The following SLC35F1 variants were observed in gnomAD, a reference collection of about 807,000 sequenced individuals.
SLC35F1 encodes the protein solute carrier family 35 member F1.
SLC35F1 carries 14 observed loss-of-function variants against 48.7 expected under a neutral mutation model. The observed-to-expected ratio is 0.29, with a 90% CI of 0.19 to 0.45. The LOEUF is 0.45. Among genes scored for constraint, SLC35F1 ranks in the 20% least tolerant of loss-of-function variants. The probability of loss-of-function intolerance (pLI) is 1.00; values close to 1 mark genes in which losing one functional copy is unlikely to be tolerated. For missense variants in SLC35F1, 404 were observed against 500.0 expected, an observed-to-expected ratio of 0.81 and a Z score of 1.83; for synonymous variants, 190 against 202.2, an observed-to-expected ratio of 0.94 and a Z score of 0.51.
At chr6:118,103,340 A>G (rs1282435112) in intron 1 of SLC35F1, among the ~76,000 whole-genome samples, 2 of 152,198 alleles carry the variant, frequency 1.3e-5, no homozygotes, top group African/African-American at 4.8e-5. Flanking sequence ...ACATATGTAT[A>G]CATGTGCCAT....
intron 1 of SLC35F1, among the ~76,000 whole-genome samples, chr6:117,995,104 T>TA (rs1248544972): frequency 6.6e-6 from 1 of 152,210 alleles, no homozygotes; most frequent in African/African-American, 2.4e-5. Flanking sequence ...AGTTTTCTCT[T>TA]ACTACTAGAA....
At chr6:117,962,087 G>A (rs543648209) in intron 1 of SLC35F1, among the ~76,000 whole-genome samples, 12 of 152,224 alleles carry the variant, frequency 7.9e-5, no homozygotes, top group South Asian at 4.1e-4. Flanking sequence ...TTGTATTATC[G>A]ACTGGATCAC....
At chr6:118,103,171 T>C (rs1380886864) in intron 1 of SLC35F1, among the ~76,000 whole-genome samples, 1 of 152,158 alleles carries the variant, frequency 6.6e-6, no homozygotes, top group Non-Finnish European at 1.5e-5. Flanking sequence ...TCATCAACCT[T>C]AAAAGTTGAT....
intron 3 of SLC35F1, among the ~76,000 whole-genome samples, chr6:118,258,721 C>G (rs1320777106): frequency 1.3e-5 from 2 of 151,818 alleles, no homozygotes; most frequent in Non-Finnish European, 2.9e-5. Flanking sequence ...TAACATGACC[C>G]TAAAATGGAT....
At chr6:117,999,180 C>A in intron 1 of SLC35F1, 3 of 1,595,010 alleles carry the variant, frequency 1.9e-6, no homozygotes, top group Non-Finnish European at 2.5e-6. Context: ...AGTGCACGTG[C>A]CGAGGCTATC....
At chr6:118,272,283 G>A (rs1775861106) in intron 4 of SLC35F1, among the ~76,000 whole-genome samples, 1 of 152,092 alleles carries the variant, frequency 6.6e-6, no homozygotes, top group South Asian at 2.1e-4. Context: ...GAGTATGGTG[G>A]GTGCCATAGA....
chr6:118,268,601 T>TATA (rs59597751), intron 4 of SLC35F1, among the ~76,000 whole-genome samples: 670 of 44,984 alleles, frequency 0.015, 2 homozygotes, highest in African/African-American at 0.05. Context: ...TATATATATA[T>TATA]TTTTTTTTTT....
At chr6:117,982,428 C>T (rs1776792102) in intron 1 of SLC35F1, among the ~76,000 whole-genome samples, 1 of 152,196 alleles carries the variant, frequency 6.6e-6, no homozygotes. Context: ...TAGAGAACAG[C>T]AGGTTCTTTT....
chr6:118,024,643 T>C (rs1338712094), intron 1 of SLC35F1, among the ~76,000 whole-genome samples: 2 of 152,184 alleles, frequency 1.3e-5, no homozygotes, highest in Non-Finnish European at 2.9e-5. Flanking sequence ...TTCAATAGTT[T>C]TCAGCATAAA....
At chr6:117,908,146 G>A (rs990861765) in intron 1 of SLC35F1, among the ~76,000 whole-genome samples, 1 of 152,194 alleles carries the variant, frequency 6.6e-6, no homozygotes, top group South Asian at 2.1e-4. Context: ...GGAGAGGCGG[G>A]GTTTTTCGTA....
intron 7 of SLC35F1, among the ~76,000 whole-genome samples, chr6:118,303,074 T>C (rs1161434532): frequency 6.6e-6 from 1 of 152,034 alleles, no homozygotes; most frequent in Non-Finnish European, 1.5e-5. Flanking sequence ...CATCTACTTA[T>C]TTCATTTTTT....
intron 7 of SLC35F1, among the ~76,000 whole-genome samples, chr6:118,302,285 G>A (rs1776261632): frequency 6.6e-6 from 1 of 152,130 alleles, no homozygotes; most frequent in African/African-American, 2.4e-5. Context: ...ATAAAGAACA[G>A]TCAACTATTT....
intron 1 of SLC35F1, among the ~76,000 whole-genome samples, chr6:118,016,303 C>T (rs1777321436): frequency 6.6e-6 from 1 of 152,164 alleles, no homozygotes; most frequent in South Asian, 2.1e-4. Flanking sequence ...ACTCATGCTT[C>T]TTTGGTGTCA....
intron 1 of SLC35F1, among the ~76,000 whole-genome samples, chr6:118,130,617 G>A (rs982037930): frequency 1.2e-4 from 18 of 152,112 alleles, no homozygotes; most frequent in Middle Eastern, 3.4e-3. Flanking sequence ...CATAATACTT[G>A]GCCAATCACA....
At chr6:118,257,288 A>C (rs987690487) in intron 3 of SLC35F1, among the ~76,000 whole-genome samples, 1 of 152,192 alleles carries the variant, frequency 6.6e-6, no homozygotes, top group Non-Finnish European at 1.5e-5. Flanking sequence ...GTGATGCTTT[A>C]AAAGAAAACT....
chr6:118,234,579 A>G (rs1775337805), intron 2 of SLC35F1, among the ~76,000 whole-genome samples: 1 of 152,208 alleles, frequency 6.6e-6, no homozygotes, highest in Non-Finnish European at 1.5e-5. Context: ...GGAGACACTC[A>G]GTTAAGCTCT....
At chr6:118,159,481 A>T (rs185731225) in intron 2 of SLC35F1, among the ~76,000 whole-genome samples, 145 of 152,306 alleles carry the variant, frequency 9.5e-4, no homozygotes, top group African/African-American at 3.4e-3. Flanking sequence ...TGACTAAGGA[A>T]TGTGACTAAG....
rs76197940 is a variant in SLC35F1 at position 117,994,626 on chromosome 6, T to G, written c.173+86727T>G. ...AGGGCAAGGTATATTTTCAAAGCCT[T>G]GTGGCTGATATTTTTGGCACTGGGA... On this transcript the variant is annotated intron_variant, in intron 1 of 7. Coordinates refer to ENST00000360388, the MANE Select transcript of SLC35F1 (RefSeq NM_001029858.4). Among the ~76,000 whole-genome samples the G allele has an allele frequency of 1.9e-4, 29 of 152,318 alleles. 2 individuals carry two copies. In the East Asian group the frequency reaches 5.2e-3, roughly 27 times the overall value.
At position 118,252,588 on chromosome 6, in the gene SLC35F1, G is replaced by T. The variant is rs114811617; in HGVS notation, c.478-14407G>T. On this transcript the variant is annotated intron_variant, in intron 3 of 7. Transcript: ENST00000360388. Reference sequence around the variant, plus strand: ...GCTTGGTATAGGTGGCTGAGTATATGTGTCTGGAGTTCAACAGAGAGGCTG... The same window carrying T: ...GCTTGGTATAGGTGGCTGAGTATATTTGTCTGGAGTTCAACAGAGAGGCTG... Among the ~76,000 whole-genome samples, 1,233 of 152,218 alleles carry T rather than the reference G, an allele frequency of 8.1e-3. 12 individuals are homozygous for T. Among genetic ancestry groups the T allele is most frequent in the African/African-American group, 0.028 (1,152 of 41,540 alleles).
Sources: allele counts gnomAD v4.1 joint callset (sites outside exome capture counted in the v4.1 genomes callset), GRCh38; gene constraint gnomAD v4.1.1; transcripts MANE v1.5; gene names NCBI Gene and HGNC (gene_info 2026-07-23, HGNC 2026-07-21).